The following MAP4K3 variants were observed in gnomAD, a reference collection of about 807,000 sequenced individuals.
The protein encoded by MAP4K3 is MAPK/ERK kinase kinase kinase 3.
In MAP4K3, 94 loss-of-function variants were observed where a neutral mutation model predicts 143.5. The ratio of observed to expected loss-of-function variants is 0.65; its 90% CI spans 0.55 to 0.78. MAP4K3 has a LOEUF of 0.78. Among genes scored for constraint, MAP4K3 ranks in the 30% least tolerant of loss-of-function variants. The pLI, the probability that MAP4K3 is intolerant of heterozygous loss-of-function variation, is 0.00. For missense variants in MAP4K3, 1,077 were observed against 1,068.1 expected (o/e 1.01, Z -0.12); for synonymous variants, 416 against 347.2 (o/e 1.20, Z -2.20).
At chr2:39,273,794 T>A (rs1042467557) in intron 24 of MAP4K3, among the ~76,000 whole-genome samples, 1 of 152,238 alleles carries the variant, frequency 6.6e-6, no homozygotes, top group African/African-American at 2.4e-5. Context: ...TACCTGTGCC[T>A]CAAATAGAGA....
intron 26 of MAP4K3, among the ~76,000 whole-genome samples, chr2:39,268,744 A>G (rs1055329915): frequency 7.2e-6 from 1 of 138,048 alleles, no homozygotes; most frequent in African/African-American, 2.7e-5. Flanking sequence ...GGTTCAAGTG[A>G]TTCTCCTGCC....
chr2:39,331,126 A>G (rs1483743615), intron 8 of MAP4K3, among the ~76,000 whole-genome samples: 1 of 152,168 alleles, frequency 6.6e-6, no homozygotes, highest in East Asian at 1.9e-4. Flanking sequence ...TAGCAATTAA[A>G]GCTATATGAC....
chr2:39,369,205 G>GTTTTTTGTTTTTT (rs1553419627), intron 2 of MAP4K3, among the ~76,000 whole-genome samples: 6,352 of 125,344 alleles, frequency 0.051, 430 homozygotes, highest in African/African-American at 0.12. Flanking sequence ...TTTTTTTTTT[G>GTTTTTTGTTTTTT]TTTTTTTTGA....
chr2:39,361,757 A>T (rs1012737607), intron 2 of MAP4K3, among the ~76,000 whole-genome samples: 2 of 151,492 alleles, frequency 1.3e-5, no homozygotes, highest in African/African-American at 2.4e-5. Flanking sequence ...TTTAAAACAG[A>T]ATCTGCTCTG....
chr2:39,339,127 CT>C (rs1025119463), intron 4 of MAP4K3, among the ~76,000 whole-genome samples: 2 of 152,158 alleles, frequency 1.3e-5, no homozygotes, highest in African/African-American at 4.8e-5. Flanking sequence ...TTTACACAAA[CT>C]TAACAGATTT....
chr2:39,432,716 C>T (rs1331441193), intron 1 of MAP4K3, among the ~76,000 whole-genome samples: 1 of 152,138 alleles, frequency 6.6e-6, no homozygotes, highest in African/African-American at 2.4e-5. Context: ...TGCATAATTA[C>T]AAATAAACTA....
intron 28 of MAP4K3, among the ~76,000 whole-genome samples, chr2:39,263,500 C>T (rs1412598561): frequency 4.0e-5 from 6 of 150,294 alleles, no homozygotes; most frequent in South Asian, 2.1e-4. Context: ...AGGATGGTCT[C>T]GATCTCCTGA....
chr2:39,353,068 T>C (rs78627250), intron 3 of MAP4K3, among the ~76,000 whole-genome samples: 9,335 of 152,210 alleles, frequency 0.061, 360 homozygotes, highest in Middle Eastern at 0.11. Flanking sequence ...GGCTAAGCAA[T>C]ACAGTATGCC....
intron 2 of MAP4K3, among the ~76,000 whole-genome samples, chr2:39,361,393 T>C (rs1483183376): frequency 6.6e-6 from 1 of 151,766 alleles, no homozygotes; most frequent in Non-Finnish European, 1.5e-5. Flanking sequence ...ACTCTTTCAA[T>C]ATAAATGAAT....
At chr2:39,406,258 A>C (rs1276937804) in intron 1 of MAP4K3, among the ~76,000 whole-genome samples, 1 of 152,194 alleles carries the variant, frequency 6.6e-6, no homozygotes, top group Non-Finnish European at 1.5e-5. Flanking sequence ...CAAAGGACAA[A>C]TCCAAGACTT....
intron 2 of MAP4K3, among the ~76,000 whole-genome samples, chr2:39,368,383 T>C (rs1429859070): frequency 6.6e-6 from 1 of 152,154 alleles, no homozygotes; most frequent in Non-Finnish European, 1.5e-5. Context: ...TAAAATAGTT[T>C]TAGCTGGACA....
rs375459486 is a variant in MAP4K3, at chr2:39,404,219, G to A, written c.97-26096C>T. Among the ~76,000 whole-genome samples, 20 of 152,174 alleles carry A rather than the reference G, an allele frequency of 1.3e-4. 1 individual carries two copies. The South Asian group carries it at 4.2e-3, about 32-fold the overall frequency. On this transcript the variant is annotated intron_variant, in intron 1 of 33. Coordinates refer to ENST00000263881, the MANE Select transcript of MAP4K3 (RefSeq NM_003618.4). The stretch of plus-strand genomic sequence containing the variant: ...CAGAGAGAAGAGTAAAGGGGACTTG[G>A]TCTTTCACCTTAGGTACCAGCTCAG...
rs1681460591 is a variant in MAP4K3, at chr2:39,280,278, T to C, written c.1708A>G (p.Thr570Ala). 1.9e-6 allele frequency: 3 copies of C among 1,569,242 alleles called. No homozygotes were observed. Among genetic ancestry groups the C allele is most frequent in the Non-Finnish European group, 2.6e-6 (3 of 1,152,712 alleles). The change falls in exon 23 of 34, where the codon ACA (threonine) becomes GCA (alanine). Residue 570 changes from threonine (T) to alanine (A), a missense_variant. By Grantham distance (58) the Thr-to-Ala change is moderately conservative (BLOSUM62 0). Around this residue, in one of 2 missense-constraint regions of MAP4K3, gnomAD observed 864 missense variants for 801.2 expected, o/e 1.08. Transcript: ENST00000263881. ...HCASSWINPD[T>A]RDQYLIFGAE... ...TAAAAACACACAATACTACCTCTTG[T>C]ATCTGGGTTTATCCATGATGATGCA...
At chr2:39,341,724 C>G (rs1665145678) in intron 4 of MAP4K3, among the ~76,000 whole-genome samples, 1 of 150,762 alleles carries the variant, frequency 6.6e-6, no homozygotes, top group African/African-American at 2.4e-5. Flanking sequence ...TAGAGAAATT[C>G]ACCCAAATTC....
chr2:39,419,587 C>T (rs1260994171), intron 1 of MAP4K3, among the ~76,000 whole-genome samples: 1 of 152,110 alleles, frequency 6.6e-6, no homozygotes, highest in Admixed American at 6.5e-5. Context: ...AAAAGTTTGT[C>T]AAACCTCATG....
intron 29 of MAP4K3, among the ~76,000 whole-genome samples, chr2:39,260,391 C>T (rs913261323): frequency 6.6e-6 from 1 of 152,118 alleles, no homozygotes; most frequent in African/African-American, 2.4e-5. Flanking sequence ...ACTGGGATTA[C>T]TGGCGTGACC....
At chr2:39,385,581 TA>T (rs1666480646) in intron 1 of MAP4K3, among the ~76,000 whole-genome samples, 1 of 72,908 alleles carries the variant, frequency 1.4e-5, no homozygotes, top group Non-Finnish European at 3.3e-5. Flanking sequence ...TATATATATA[TA>T]TATATATATA....
intron 15 of MAP4K3, among the ~76,000 whole-genome samples, chr2:39,301,089 T>A (rs1682492675): frequency 7.2e-6 from 1 of 138,054 alleles, no homozygotes; most frequent in South Asian, 2.2e-4. Flanking sequence ...TACATTACAT[T>A]TAAGAGAGAA....
At chr2:39,363,668 C>CAAAAAA (rs34083007) in intron 2 of MAP4K3, among the ~76,000 whole-genome samples, 4 of 83,722 alleles carry the variant, frequency 4.8e-5, no homozygotes, top group East Asian at 3.7e-4. Flanking sequence ...GACTCTGTCT[C>CAAAAAA]AAAAAAAAAA....
Sources: gnomAD v4.1 joint callset for allele counts (sites outside exome capture counted in the v4.1 genomes callset) on GRCh38, gnomAD v4.1.1 for gene constraint, gnomAD v4.1.1 regional missense constraint, MANE v1.5 for transcripts, NCBI Gene and HGNC (gene_info 2026-07-23, HGNC 2026-07-21) for gene names.